The following ZNF385D variants were observed in gnomAD, a reference collection of about 807,000 sequenced individuals.
ZNF385D encodes zinc finger protein 385D.
Under a neutral mutation model 35.8 loss-of-function variants are expected in ZNF385D, and 15 were observed. That is an observed-to-expected ratio of 0.42 (90% CI 0.28 to 0.64). ZNF385D has a LOEUF of 0.64. Ranked by LOEUF, ZNF385D falls within the 30% of genes least tolerant of loss-of-function variation. The pLI is 0.23. For synonymous variants in ZNF385D, 212 were observed against 186.8 expected, an observed-to-expected ratio of 1.13 and a Z score of -1.10; for missense variants, 474 against 494.6, an observed-to-expected ratio of 0.96 and a Z score of 0.39.
At chr3:21,909,138 TA>T (rs1454166911) in intron 3 of ZNF385D, among the ~76,000 whole-genome samples, 3 of 152,182 alleles carry the variant, frequency 2.0e-5, no homozygotes, top group African/African-American at 2.4e-5. Context: ...TTAAATAACT[TA>T]TCTTCCTACA....
chr3:22,309,870 T>G (rs1248020774), intron 2 of ZNF385D, among the ~76,000 whole-genome samples: 1 of 151,866 alleles, frequency 6.6e-6, no homozygotes, highest in Non-Finnish European at 1.5e-5. Flanking sequence ...CAATGGCCAG[T>G]AGGATGGAAT....
intron 3 of ZNF385D, among the ~76,000 whole-genome samples, chr3:22,018,575 C>G (rs1299632673): frequency 6.6e-6 from 1 of 152,074 alleles, no homozygotes; most frequent in East Asian, 1.9e-4. Context: ...ATTATATGCT[C>G]TGCTTCTTCT....
chr3:22,302,581 T>C (rs1396416414), intron 2 of ZNF385D, among the ~76,000 whole-genome samples: 1 of 151,996 alleles, frequency 6.6e-6, no homozygotes, highest in African/African-American at 2.4e-5. Flanking sequence ...GCTATTCTTT[T>C]GTTTTTGCTC....
chr3:22,024,775 C>T lies in ZNF385D; in HGVS notation c.325+144042G>A, dbSNP rs186203868. Among the ~76,000 whole-genome samples the T allele has an allele frequency of 6.6e-5, 10 of 152,144 alleles. No homozygotes were observed. The East Asian group carries it at 9.7e-4, about 15-fold the overall frequency. ...TGACCATCTGTGGAGAACCAAGGAA[C>T]GTAACGAAGCTGGATGGTTGCTCCT... On this transcript the variant is annotated intron_variant, in intron 3 of 5. Transcript: ENST00000494108.
At chr3:21,652,957 T>C (rs186133343) in intron 2 of ZNF385D, among the ~76,000 whole-genome samples, 1 of 152,154 alleles carries the variant, frequency 6.6e-6, no homozygotes, top group Admixed American at 6.5e-5. Context: ...ATCTGGAAGT[T>C]TCCTTGTTTT....
upstream of ZNF385D, among the ~76,000 whole-genome samples, chr3:21,753,733 T>C (rs185213978): frequency 6.8e-3 from 1,030 of 151,128 alleles, 4 homozygotes; most frequent in Non-Finnish European, 0.012. Context: ...TTTTATTTAT[T>C]TGTATACATT....
chr3:21,502,043 C>A (rs1184307350), intron 4 of ZNF385D, among the ~76,000 whole-genome samples: 1 of 152,244 alleles, frequency 6.6e-6, no homozygotes, highest in East Asian at 1.9e-4. Flanking sequence ...AATGCCACCC[C>A]AAAATATGTT....
At chr3:21,607,679 T>C (rs1412710310) in intron 2 of ZNF385D, among the ~76,000 whole-genome samples, 1 of 152,072 alleles carries the variant, frequency 6.6e-6, no homozygotes, top group East Asian at 1.9e-4. Flanking sequence ...GTTCTGTTAG[T>C]TCTTGGATGA....
At chr3:22,352,235 T>C (rs1336500013) in intron 2 of ZNF385D, among the ~76,000 whole-genome samples, 2 of 152,186 alleles carry the variant, frequency 1.3e-5, no homozygotes, top group Non-Finnish European at 2.9e-5. Context: ...AAGTTACCAG[T>C]TTCCTGCCTA....
intron 3 of ZNF385D, among the ~76,000 whole-genome samples, chr3:21,822,090 G>C (rs1291702768): frequency 6.7e-6 from 1 of 148,644 alleles, no homozygotes; most frequent in Non-Finnish European, 1.5e-5. Flanking sequence ...TTTCTTTTTT[G>C]ACACGGAATC....
rs1215208806 is a variant in ZNF385D, at chr3:22,056,589, CAATAA to C, written c.325+112223_325+112227del. 3.9e-5 allele frequency among the ~76,000 whole-genome samples: 6 copies of C among 152,076 alleles called. 1 individual carries two copies. The South Asian group carries it at 6.2e-4, about 16-fold the overall frequency. On this transcript the variant is annotated intron_variant, in intron 3 of 5. Transcript: ENST00000494108. ...AAATGGTTCTGACCAAAAAACAAAACAATAAAACAAAAAGAACTCTACAAATCAAA... is the reference window on the plus strand; with the variant it reads ...AAATGGTTCTGACCAAAAAACAAAACAACAAAAAGAACTCTACAAATCAAA...
chr3:22,309,206 G>T (rs1236270920), intron 2 of ZNF385D, among the ~76,000 whole-genome samples: 2 of 152,202 alleles, frequency 1.3e-5, no homozygotes, highest in East Asian at 3.9e-4. Context: ...AAAGGAGGAA[G>T]ATATTTGACC....
At chr3:22,313,417 G>T (rs1703695403) in intron 2 of ZNF385D, among the ~76,000 whole-genome samples, 2 of 151,934 alleles carry the variant, frequency 1.3e-5, no homozygotes, top group South Asian at 2.1e-4. Context: ...TTTAAAAAAA[G>T]ATGTAGATAT....
intron 3 of ZNF385D, among the ~76,000 whole-genome samples, chr3:21,969,409 C>A (rs1299182062): frequency 6.6e-6 from 1 of 152,160 alleles, no homozygotes; most frequent in Admixed American, 6.5e-5. Flanking sequence ...TTGCTCGGCA[C>A]TTTTCCTTCC....
At chr3:21,864,780 TCTTA>T (rs1373913683) in intron 3 of ZNF385D, among the ~76,000 whole-genome samples, 2 of 152,082 alleles carry the variant, frequency 1.3e-5, no homozygotes, top group Non-Finnish European at 2.9e-5. Context: ...CATTGTCTCT[TCTTA>T]CTAAGAGGTT....
chr3:22,230,904 G>A (rs140272631), intron 2 of ZNF385D, among the ~76,000 whole-genome samples: 1 of 152,112 alleles, frequency 6.6e-6, no homozygotes, highest in Non-Finnish European at 1.5e-5. Flanking sequence ...TCAGGAAAAA[G>A]ATGAAAATTC....
Position 22,127,109 on chromosome 3 carries a change from G to A in ZNF385D, c.325+41708C>T, listed in dbSNP as rs543033679. On this transcript the variant is annotated intron_variant, in intron 3 of 5. Transcript: ENST00000494108. ...TTTCTTATAAGCAATAGATCATTAG[G>A]TCTTACTTTTTATCCATTCAGTCAC... 7.9e-5 allele frequency among the ~76,000 whole-genome samples: 12 copies of A among 151,956 alleles called. No individual in the cohort carries two copies. In the South Asian group the frequency reaches 1.9e-3, roughly 24 times the overall value.
intron 3 of ZNF385D, among the ~76,000 whole-genome samples, chr3:21,799,484 A>G (rs1184611557): frequency 6.6e-6 from 1 of 152,122 alleles, no homozygotes; most frequent in Admixed American, 6.6e-5. Context: ...TTCCGTCTTC[A>G]TTTGTATTTA....
intron 3 of ZNF385D, among the ~76,000 whole-genome samples, chr3:21,911,113 A>T (rs1448746228): frequency 2.0e-5 from 3 of 151,920 alleles, no homozygotes; most frequent in African/African-American, 7.2e-5. Context: ...TCTCTTACAT[A>T]TAATATTGGC....
Sources: allele counts gnomAD v4.1 joint callset (sites outside exome capture counted in the v4.1 genomes callset), GRCh38; gene constraint gnomAD v4.1.1; transcripts MANE v1.5; gene names NCBI Gene and HGNC (gene_info 2026-07-23, HGNC 2026-07-21).